Variants in DCDC1 observed in about 807,000 individuals in gnomAD.
DCDC1 encodes the protein doublecortin domain-containing protein 1.
DCDC1 carries 200 observed loss-of-function variants against 178.3 expected under a neutral mutation model. The ratio of observed to expected loss-of-function variants is 1.12; its 90% confidence interval spans 1.00 to 1.26. The LOEUF (loss-of-function observed/expected upper bound fraction) is 1.26. Among genes scored for constraint, DCDC1 ranks in the 50% most tolerant of loss-of-function variants. DCDC1 has a pLI of 0.00. For synonymous variants in DCDC1, 690 were observed against 604.8 expected (o/e 1.14, Z -2.07); for missense variants, 1,983 against 1,749.2 (o/e 1.13, Z -2.38).
At chr11:31,363,705 C>A (rs1156284791) in intron 1 of DCDC1, among the ~76,000 whole-genome samples, 1 of 152,182 alleles carries the variant, frequency 6.6e-6, no homozygotes, top group Non-Finnish European at 1.5e-5. Flanking sequence ...CTGTTTAACA[C>A]ATTTTAACCC....
intron 9 of DCDC1, among the ~76,000 whole-genome samples, chr11:31,149,816 C>G (rs1964961988): frequency 2.0e-5 from 3 of 152,006 alleles, no homozygotes; most frequent in Admixed American, 1.3e-4. Context: ...CTCCAGACAC[C>G]TCTGAACATC....
chr11:30,968,711 T>TATATATATATATATATATATA (rs1949594817), intron 20 of DCDC1, among the ~76,000 whole-genome samples: 6 of 61,040 alleles, frequency 9.8e-5, no homozygotes, highest in Non-Finnish European at 1.9e-4. Context: ...ATATATCAAA[T>TATATATATATATATATATATA]TATATATATA....
At chr11:31,012,397 T>C (rs1258263060) in intron 20 of DCDC1, among the ~76,000 whole-genome samples, 2 of 151,884 alleles carry the variant, frequency 1.3e-5, no homozygotes, top group African/African-American at 2.4e-5. Context: ...CAGGAGGAGT[T>C]AGAGACCAGC....
chr11:31,001,771 T>C (rs1951594969), intron 20 of DCDC1, among the ~76,000 whole-genome samples: 1 of 152,182 alleles, frequency 6.6e-6, no homozygotes, highest in Non-Finnish European at 1.5e-5. Flanking sequence ...TTTCCTATCT[T>C]CCCCTTTAAA....
At chr11:31,090,536 T>C (rs1034564117) in intron 17 of DCDC1, among the ~76,000 whole-genome samples, 5 of 152,188 alleles carry the variant, frequency 3.3e-5, no homozygotes, top group Non-Finnish European at 5.9e-5. Flanking sequence ...GACATTAGAA[T>C]AGTATCTGGC....
chr11:31,081,392 G>A (rs549621721), intron 17 of DCDC1, among the ~76,000 whole-genome samples: 50 of 152,158 alleles, frequency 3.3e-4, no homozygotes, highest in South Asian at 1.9e-3. Context: ...GGTGGATCAC[G>A]AGGTCAGGAG....
At chr11:31,161,888 G>C (rs1966344743) in intron 9 of DCDC1, among the ~76,000 whole-genome samples, 1 of 152,098 alleles carries the variant, frequency 6.6e-6, no homozygotes, top group South Asian at 2.1e-4. Flanking sequence ...TATCAATGTG[G>C]CCAATTCATC....
intron 1 of DCDC1, among the ~76,000 whole-genome samples, chr11:31,337,051 G>A (rs1017757273): frequency 1.3e-5 from 2 of 152,172 alleles, no homozygotes; most frequent in Admixed American, 1.3e-4. Context: ...CACCTAGTTT[G>A]TTCAAAACAG....
At chr11:30,902,084 A>G (rs545158970) in intron 32 of DCDC1, among the ~76,000 whole-genome samples, 1 of 152,230 alleles carries the variant, frequency 6.6e-6, no homozygotes, top group South Asian at 2.1e-4. Context: ...GAAAATATAG[A>G]TATATAGATA....
chr11:31,247,866 T>C (rs1238269631), intron 8 of DCDC1, among the ~76,000 whole-genome samples: 2 of 152,130 alleles, frequency 1.3e-5, no homozygotes, highest in Admixed American at 1.3e-4. Context: ...AAGGATTTTG[T>C]GAACTCAATT....
intron 9 of DCDC1, among the ~76,000 whole-genome samples, chr11:31,196,406 C>A (rs1330496442): frequency 1.3e-5 from 2 of 151,884 alleles, no homozygotes; most frequent in Non-Finnish European, 2.9e-5. Context: ...ACTATCCACC[C>A]CCCGACCAAT....
intron 18 of DCDC1, among the ~76,000 whole-genome samples, chr11:31,069,232 T>G (rs1184415633): frequency 6.6e-6 from 1 of 152,156 alleles, no homozygotes; most frequent in African/African-American, 2.4e-5. Context: ...ATAGTGATAT[T>G]ATTGCACACA....
chr11:31,258,251 G>A (rs1944545432), intron 8 of DCDC1, among the ~76,000 whole-genome samples: 1 of 152,132 alleles, frequency 6.6e-6, no homozygotes, highest in African/African-American at 2.4e-5. Flanking sequence ...AATACATCCT[G>A]GGTAGGATTA....
chr11:31,242,924 A>G (rs749043073), intron 8 of DCDC1, among the ~76,000 whole-genome samples: 99 of 151,904 alleles, frequency 6.5e-4, no homozygotes, highest in Admixed American at 4.5e-3. Flanking sequence ...ACAGGGTTCA[A>G]GATTTTGTTA....
chr11:31,230,472 G>C lies in DCDC1; in HGVS notation c.1221+10978C>G, dbSNP rs1029454743. Reference sequence around the variant, plus strand: ...CAGGCCAAGAGCAAGATGGAAAAATGCGGTACTAACTCAGCAACAGTCAAG... The same window carrying C: ...CAGGCCAAGAGCAAGATGGAAAAATCCGGTACTAACTCAGCAACAGTCAAG... On this transcript the variant is annotated intron_variant, in intron 9 of 38. Coordinates refer to ENST00000684477, the MANE Select transcript of DCDC1 (RefSeq NM_001387274.1). 2.6e-5 allele frequency among the ~76,000 whole-genome samples: 4 copies of C among 152,144 alleles called. No homozygotes were observed. The East Asian group carries it at 7.7e-4, about 29-fold the overall frequency.
chr11:30,908,948 G>A lies in DCDC1; in HGVS notation c.3916C>T (p.Pro1306Ser), dbSNP rs1945262568. ...TTTGAGAGGAAGGAACCACTTACTG[G>A]TTGATCAATGTTTTCTTCTTTAATC... The part of the protein sequence containing the change: ...SVIKEENIDQ[P>S]GYCYLSPDGK... Residue 1306 changes from proline (P) to serine (S), a missense_variant and splice_region_variant, in exon 29 of 39, where the codon CCA becomes TCA. Transcript: ENST00000684477. The A allele has an allele frequency of 1.3e-6, 2 of 1,588,892 alleles. No individual in the cohort carries two copies. The highest frequency in any genetic ancestry group is 1.3e-5 in the African/African-American group (1 of 74,114).
chr11:31,350,435 A>T (rs1344752135), intron 1 of DCDC1, among the ~76,000 whole-genome samples: 1 of 152,126 alleles, frequency 6.6e-6, no homozygotes, highest in Non-Finnish European at 1.5e-5. Context: ...GCTCCTAGAT[A>T]TTTTAAAGAT....
At chr11:30,915,846 T>C (rs898663873) in intron 26 of DCDC1, 135 bp from the exon 27 acceptor site, 13 of 809,986 alleles carry the variant, frequency 1.6e-5, no homozygotes, top group Non-Finnish European at 2.2e-5. Flanking sequence ...TGATAGACCA[T>C]ATCATTAGAA....
At chr11:31,078,532 G>C (rs12277138) in intron 17 of DCDC1, among the ~76,000 whole-genome samples, 2,287 of 152,266 alleles carry the variant, frequency 0.015, 46 homozygotes, top group African/African-American at 0.052. Flanking sequence ...TGTTAAACAA[G>C]ACTTTTCCTA....
Sources: gnomAD v4.1 joint callset for allele counts (sites outside exome capture counted in the v4.1 genomes callset) on GRCh38, gnomAD v4.1.1 for gene constraint, MANE v1.5 for transcripts, NCBI Gene and HGNC (gene_info 2026-07-23, HGNC 2026-07-21) for gene names.